ARMC2: variants seen among roughly 807,000 people sequenced by gnomAD.
The protein encoded by ARMC2 is armadillo repeat containing 2, also known as armadillo repeat-containing protein 2.
In ARMC2, 67 loss-of-function variants were observed where a neutral mutation model predicts 90.3. The ratio of observed to expected loss-of-function variants is 0.74; its 90% CI spans 0.61 to 0.91. The LOEUF (loss-of-function observed/expected upper bound fraction) is 0.91, where lower values mean the gene tolerates loss of function less well. Among genes scored for constraint, ARMC2 ranks in the 40% least tolerant of loss-of-function variants. The probability of loss-of-function intolerance (pLI) is 0.00; values close to 1 mark genes in which losing one functional copy is unlikely to be tolerated. For missense variants in ARMC2, 920 were observed against 1,030.9 expected, an observed-to-expected ratio of 0.89 and a Z score of 1.47; for synonymous variants, 393 against 393.0, an observed-to-expected ratio of 1.00 and a Z score of 0.00.
chr6:108,869,481 G>A (rs188167044), intron 4 of ARMC2, among the ~76,000 whole-genome samples: 3 of 152,104 alleles, frequency 2.0e-5, no homozygotes, highest in South Asian at 2.1e-4. Flanking sequence ...GCACCCCAGC[G>A]TGGGTGACGA....
chr6:109,006,068 G>A, the ARMC2 span, among the ~76,000 whole-genome samples: 1 of 152,122 alleles, frequency 6.6e-6, no homozygotes, highest in South Asian at 2.1e-4. Context: ...ATAATAAATA[G>A]CAATAGCAGC....
intron 3 of ARMC2, among the ~76,000 whole-genome samples, chr6:108,861,294 G>C (rs756125906): frequency 6.6e-6 from 1 of 152,204 alleles, no homozygotes; most frequent in Admixed American, 6.5e-5. Context: ...GTGTGTGTGC[G>C]TGCACACGCA....
chr6:108,928,117 T>C lies in ARMC2; in HGVS notation c.1380T>C (p.Asp460=). 1 of 1,608,444 alleles carries C rather than the reference T, an allele frequency of 6.2e-7. No homozygotes were observed. Among genetic ancestry groups the C allele is most frequent in the Non-Finnish European group, 8.5e-7 (1 of 1,178,386 alleles). The change falls in exon 11 of 18, where the codon GAT becomes GAC. Residue 460 remains aspartate, a synonymous_variant. Transcript: ENST00000392644. ...CTGCTACATTGAGAAACTTGGTTGA[T>C]TCATCATTAGTAAGAAGTAAGTTCC... ...QVTATLRNLV[D]SSLVRSKFLN... is the part of the protein sequence containing the mutation.
chr6:108,918,602 A>C (rs1774230646), intron 10 of ARMC2, among the ~76,000 whole-genome samples: 1 of 152,072 alleles, frequency 6.6e-6, no homozygotes, highest in South Asian at 2.1e-4. Context: ...AACCCTGGAC[A>C]ATGCTGGGGC....
At chr6:109,048,634 C>T in the ARMC2 span, among the ~76,000 whole-genome samples, 8 of 152,240 alleles carry the variant, frequency 5.3e-5, no homozygotes, top group African/African-American at 1.7e-4. Context: ...GGGTAGATGG[C>T]CACAAGTAGG....
the ARMC2 span, chr6:108,986,963 A>T: frequency 1.3e-5 from 2 of 152,690 alleles, no homozygotes; most frequent in African/African-American, 2.4e-5. Context: ...GTTGTTGCTG[A>T]GCTGTGTGAG....
chr6:109,024,686 G>A, the ARMC2 span, among the ~76,000 whole-genome samples: 1 of 152,160 alleles, frequency 6.6e-6, no homozygotes, highest in East Asian at 1.9e-4. Context: ...TCAGAATGCT[G>A]ACATTAGCCT....
intron 8 of ARMC2, among the ~76,000 whole-genome samples, chr6:108,908,321 C>T (rs1434681146): frequency 6.6e-6 from 1 of 152,214 alleles, no homozygotes; most frequent in Admixed American, 6.5e-5. Context: ...ACAGGCAGTG[C>T]TCCCCTCCCC....
At chr6:108,941,502 G>A (rs1776435960) in intron 12 of ARMC2, among the ~76,000 whole-genome samples, 1 of 152,130 alleles carries the variant, frequency 6.6e-6, no homozygotes, top group African/African-American at 2.4e-5. Flanking sequence ...ACCCAATCAG[G>A]GATTAATTCC....
At chr6:108,998,372 C>G in the ARMC2 span, 231 of 901,572 alleles carry the variant, frequency 2.6e-4, 2 homozygotes, top group Admixed American at 1.8e-4. Flanking sequence ...CAATAAAACC[C>G]TACTGAATGA....
chr6:108,890,735 C>T (rs1483552860), intron 5 of ARMC2, among the ~76,000 whole-genome samples: 4 of 152,106 alleles, frequency 2.6e-5, no homozygotes, highest in Admixed American at 6.6e-5. Context: ...CAGTCCTGTG[C>T]TCTTTTTTTA....
chr6:108,872,931 G>C (rs751638592), intron 4 of ARMC2, among the ~76,000 whole-genome samples: 1 of 152,186 alleles, frequency 6.6e-6, no homozygotes, highest in Admixed American at 6.5e-5. Flanking sequence ...GCACATGAGC[G>C]TATTAAAGTG....
At chr6:108,854,508 G>T in intron 2 of ARMC2, 23 bp downstream of exon 2, 1 of 1,600,112 alleles carries the variant, frequency 6.2e-7, no homozygotes, top group Non-Finnish European at 8.6e-7. Context: ...TCACATTCAT[G>T]TTCATTCAGA....
Position 108,876,313 on chromosome 6 carries a change from G to A in ARMC2, c.634G>A (p.Gly212Arg), listed in dbSNP as rs1280480502. ...SEIKEQEMFK[G>R]TTSLPSHLKN... is the part of the protein sequence containing the mutation. ...AATAAAGGAGCAAGAAATGTTCAAA[G>A]GAACAACATCTTTACCATCTCATCT... The change falls in exon 5 of 18, where the codon GGA becomes AGA. Residue 212 changes from glycine to arginine, a missense_variant. By Grantham distance (125) the Gly-to-Arg change is moderately radical. Transcript: ENST00000392644. 4.3e-6 allele frequency: 7 copies of A among 1,611,598 alleles called. No individual in the cohort carries two copies. Among genetic ancestry groups the A allele is most frequent in the Non-Finnish European group, 5.9e-6 (7 of 1,179,312 alleles).
the ARMC2 span, chr6:109,008,756 C>G: frequency 1.0e-6 from 1 of 984,810 alleles, no homozygotes; most frequent in Non-Finnish European, 1.2e-6. Context: ...GTACCTCTTT[C>G]TAAAGGACAA....
chr6:108,898,790 C>T (rs1339541185), intron 6 of ARMC2, among the ~76,000 whole-genome samples: 1 of 152,132 alleles, frequency 6.6e-6, no homozygotes, highest in Non-Finnish European at 1.5e-5. Flanking sequence ...GGAACCTCCT[C>T]ATAGTGTTAC....
the ARMC2 span, among the ~76,000 whole-genome samples, chr6:108,982,901 A>G: frequency 6.6e-6 from 1 of 150,408 alleles, no homozygotes; most frequent in Non-Finnish European, 1.5e-5. Context: ...GCTCACTGCA[A>G]TCTCCGCTTC....
the ARMC2 span, chr6:109,009,398 C>T: frequency 4.1e-6 from 6 of 1,462,130 alleles, no homozygotes; most frequent in East Asian, 6.0e-5. Context: ...GCTTGCAGCC[C>T]AGCAGCCCCG....
the ARMC2 span, among the ~76,000 whole-genome samples, chr6:109,003,067 A>ACT: frequency 4.6e-5 from 7 of 152,100 alleles, no homozygotes; most frequent in Non-Finnish European, 8.8e-5. Flanking sequence ...ATGGTGTAGT[A>ACT]TGGTTAACAA....
Sources: gnomAD v4.1 joint callset for allele counts (sites outside exome capture counted in the v4.1 genomes callset) on GRCh38, gnomAD v4.1.1 for gene constraint, MANE v1.5 for transcripts, NCBI Gene and HGNC (gene_info 2026-07-23, HGNC 2026-07-21) for gene names.